The following UBE2E2 variants were observed in gnomAD, a reference collection of about 807,000 sequenced individuals.
The protein encoded by UBE2E2 is ubiquitin conjugating enzyme E2 E2, also known as ubiquitin-conjugating enzyme E2 E2.
A neutral mutation model predicts 24.7 loss-of-function variants in UBE2E2; 6 were observed. The ratio of observed to expected loss-of-function variants is 0.24; its 90% CI spans 0.13 to 0.48. UBE2E2 has a LOEUF of 0.48. Ranked by LOEUF, UBE2E2 falls within the 20% of genes least tolerant of loss-of-function variation. The pLI, the probability that UBE2E2 is intolerant of heterozygous loss-of-function variation, is 0.99. For missense variants in UBE2E2, 169 were observed against 245.0 expected, an observed-to-expected ratio of 0.69 and a Z score of 2.07; for synonymous variants, 104 against 83.6, an observed-to-expected ratio of 1.24 and a Z score of -1.33.
At chr3:23,423,456 T>C (rs1468005285) in intron 3 of UBE2E2, among the ~76,000 whole-genome samples, 1 of 152,232 alleles carries the variant, frequency 6.6e-6, no homozygotes, top group Admixed American at 6.5e-5. Context: ...AGAGTTAATA[T>C]AGAAGTATGT....
intron 3 of UBE2E2, among the ~76,000 whole-genome samples, chr3:23,400,852 G>T (rs1020967681): frequency 6.6e-6 from 1 of 151,316 alleles, no homozygotes; most frequent in Non-Finnish European, 1.5e-5. Context: ...TATTTATTGG[G>T]TACTTAAGGC....
intron 3 of UBE2E2, among the ~76,000 whole-genome samples, chr3:23,477,398 A>G (rs1699162628): frequency 6.6e-6 from 1 of 152,186 alleles, no homozygotes; most frequent in Admixed American, 6.5e-5. Context: ...ATTTGGAGTC[A>G]CTACCTTAAG....
intron 3 of UBE2E2, among the ~76,000 whole-genome samples, chr3:23,358,767 C>T (rs1287705227): frequency 6.6e-6 from 1 of 152,106 alleles, no homozygotes; most frequent in African/African-American, 2.4e-5. Context: ...AGCAAAAAAG[C>T]TGATGTGCTT....
intron 4 of UBE2E2, among the ~76,000 whole-genome samples, chr3:23,524,317 A>G (rs1694941123): frequency 6.6e-6 from 1 of 152,142 alleles, no homozygotes; most frequent in Admixed American, 6.6e-5. Context: ...CCTTAAAGTG[A>G]TGCATTCTCA....
At chr3:23,275,692 C>T (rs1023928762) in intron 3 of UBE2E2, among the ~76,000 whole-genome samples, 1 of 151,728 alleles carries the variant, frequency 6.6e-6, no homozygotes, top group African/African-American at 2.4e-5. Flanking sequence ...TAAAAAGAAA[C>T]AAAACTTAAA....
At chr3:23,543,964 A>G (rs1449333678) in intron 5 of UBE2E2, among the ~76,000 whole-genome samples, 2 of 152,232 alleles carry the variant, frequency 1.3e-5, no homozygotes, top group African/African-American at 4.8e-5. Context: ...AAGTGGGGAA[A>G]GGACACCCTA....
chr3:23,460,527 G>T (rs1698785050), intron 3 of UBE2E2, among the ~76,000 whole-genome samples: 1 of 152,150 alleles, frequency 6.6e-6, no homozygotes, highest in Non-Finnish European at 1.5e-5. Context: ...GCAGTAGCAG[G>T]TAGACTCTAT....
chr3:23,273,354 C>T lies in UBE2E2; in HGVS notation c.227+56042C>T, dbSNP rs531884993. Among the ~76,000 whole-genome samples the T allele has an allele frequency of 3.3e-5, 5 of 151,968 alleles. No individual in the cohort carries two copies. In the South Asian group the frequency reaches 6.2e-4, roughly 19 times the overall value. ...GGAGATCGAGACCATGGTGAAACCC[C>T]GTCTCTACTAAAAATACAAAAAAAA... On this transcript the variant is annotated intron_variant, in intron 3 of 5. Coordinates refer to ENST00000396703, the MANE Select transcript of UBE2E2 (RefSeq NM_152653.4).
chr3:23,419,466 C>A (rs1697740606), intron 3 of UBE2E2, among the ~76,000 whole-genome samples: 1 of 152,170 alleles, frequency 6.6e-6, no homozygotes, highest in Non-Finnish European at 1.5e-5. Flanking sequence ...TAAGATACAA[C>A]ACAACAGTGC....
At chr3:23,349,951 C>A (rs1695687072) in intron 3 of UBE2E2, among the ~76,000 whole-genome samples, 1 of 152,266 alleles carries the variant, frequency 6.6e-6, no homozygotes, top group Non-Finnish European at 1.5e-5. Context: ...TCCCTGACCC[C>A]TGACCCCCGA....
chr3:23,264,252 GA>G, intron 3 of UBE2E2, among the ~76,000 whole-genome samples: 1 of 149,698 alleles, frequency 6.7e-6, no homozygotes, highest in East Asian at 1.9e-4. Flanking sequence ...AAGTGGAAGA[GA>G]AAGAACATTT....
In UBE2E2 at chr3:23,322,614, C is replaced by G. The variant is rs565516353; in HGVS notation, c.227+105302C>G. ...TTATTATTTTAGAGATGGTTTGAAC[C>G]TTATATTTTGTTTAGTCCACCCTCA... On this transcript the variant is annotated intron_variant, in intron 3 of 5. Transcript: ENST00000396703. Among the ~76,000 whole-genome samples, 168 of 151,878 alleles carry G rather than the reference C, an allele frequency of 1.1e-3. 1 individual carries two copies. Among genetic ancestry groups the G allele is most frequent in the Non-Finnish European group, 1.7e-3 (114 of 67,898 alleles).
At chr3:23,307,476 A>G (rs918205828) in intron 3 of UBE2E2, among the ~76,000 whole-genome samples, 7 of 152,130 alleles carry the variant, frequency 4.6e-5, no homozygotes, top group Non-Finnish European at 8.8e-5. Context: ...ACGTTTTACA[A>G]ATTTTGCTCT....
intron 1 of UBE2E2, among the ~76,000 whole-genome samples, chr3:23,207,567 A>G (rs918535567): frequency 6.6e-6 from 1 of 152,226 alleles, no homozygotes; most frequent in African/African-American, 2.4e-5. Context: ...TGTTATCACA[A>G]AGGTTACTTA....
At position 23,407,445 on chromosome 3, in the gene UBE2E2, T is replaced by G. The variant is rs549000217; in HGVS notation, c.228-92163T>G. On this transcript the variant is annotated intron_variant, in intron 3 of 5. Transcript: ENST00000396703. This position sits in a 1 kb window ranked among gnomAD's most constrained non-coding sequence, Gnocchi z 4.0. ...TTGGAGGGTTTTTTCTGAAATATTT[T>G]AAACTTTTAATTCTGAAAATGTTCA... Among the ~76,000 whole-genome samples, 20 of 152,274 alleles carry G rather than the reference T, an allele frequency of 1.3e-4. 1 individual carries two copies. Among genetic ancestry groups the G allele is most frequent in the Admixed American group, 1.3e-3 (20 of 15,286 alleles).
intron 3 of UBE2E2, among the ~76,000 whole-genome samples, chr3:23,349,492 TGACA>T (rs1347232576): frequency 6.6e-6 from 1 of 151,924 alleles, no homozygotes; most frequent in Non-Finnish European, 1.5e-5. Context: ...AAGAAAGGGG[TGACA>T]GACGGCACCT....
intron 3 of UBE2E2, among the ~76,000 whole-genome samples, chr3:23,323,967 C>T (rs1465925654): frequency 6.6e-6 from 1 of 152,090 alleles, no homozygotes; most frequent in African/African-American, 2.4e-5. Flanking sequence ...CATAATGGAG[C>T]TCAGTAAATG....
intron 3 of UBE2E2, among the ~76,000 whole-genome samples, chr3:23,332,769 A>T (rs1471247261): frequency 6.6e-6 from 1 of 151,566 alleles, no homozygotes; most frequent in Non-Finnish European, 1.5e-5. Flanking sequence ...TTTTTGTTTG[A>T]GAAAAGGAGT....
At chr3:23,325,793 A>G (rs963754873) in intron 3 of UBE2E2, among the ~76,000 whole-genome samples, 8 of 152,238 alleles carry the variant, frequency 5.3e-5, no homozygotes, top group Admixed American at 5.2e-4. Flanking sequence ...AGGAGAGACC[A>G]TTATAAAAAT....
Sources: gnomAD v4.1 joint callset for allele counts (sites outside exome capture counted in the v4.1 genomes callset) on GRCh38, gnomAD v4.1.1 for gene constraint, Gnocchi (gnomAD v3.1) non-coding constraint, MANE v1.5 for transcripts, NCBI Gene and HGNC (gene_info 2026-07-23, HGNC 2026-07-21) for gene names.